Variants in FLT3 observed in about 807,000 individuals in gnomAD.
The protein encoded by FLT3 is receptor-type tyrosine-protein kinase FLT3.
FLT3 carries 46 observed loss-of-function variants against 126.6 expected under a neutral mutation model. That is an observed-to-expected ratio of 0.36 (90% CI 0.29 to 0.46). The LOEUF (loss-of-function observed/expected upper bound fraction) is 0.46, where lower values mean the gene tolerates loss of function less well. Among genes scored for constraint, FLT3 ranks in the 20% least tolerant of loss-of-function variants. The pLI, the probability that FLT3 is intolerant of heterozygous loss-of-function variation, is 1.00. For synonymous variants in FLT3, 404 were observed against 434.4 expected, an observed-to-expected ratio of 0.93 and a Z score of 0.87; for missense variants, 1,069 against 1,190.3, an observed-to-expected ratio of 0.90 and a Z score of 1.50.
rs766829319 is a variant in FLT3, at chr13:28,027,155, A to G, written c.2140T>C (p.Trp714Arg). 2.2e-5 allele frequency: 36 copies of G among 1,613,502 alleles called. No homozygotes were observed. The highest frequency in any genetic ancestry group is 2.5e-5 in the Non-Finnish European group (30 of 1,179,524). ...RSKREKFHRT[W>R]TEIFKEHNFS... ...TTGTGTTCCTTGAAAATCTCTGTCCAAGTCCTGTGAAATTTTTCTCTTTTA... is the reference window on the plus strand; with the variant it reads ...TTGTGTTCCTTGAAAATCTCTGTCCGAGTCCTGTGAAATTTTTCTCTTTTA... The change falls in exon 17 of 24, where the codon TGG becomes CGG. Residue 714 changes from tryptophan (W) to arginine (R), a missense_variant. Physicochemically the swap from Trp to Arg is moderately radical, Grantham distance 101 (BLOSUM62 -3). Coordinates refer to ENST00000241453, the MANE Select transcript of FLT3 (RefSeq NM_004119.3).
intron 4 of FLT3, among the ~76,000 whole-genome samples, chr13:28,057,077 T>A (rs1876077785): frequency 1.3e-5 from 2 of 152,220 alleles, no homozygotes; most frequent in African/African-American, 4.8e-5. Flanking sequence ...TTCTTCCCTG[T>A]CAGCCATCTG....
intron 2 of FLT3, among the ~76,000 whole-genome samples, chr13:28,070,215 C>T (rs79643596): frequency 0.049 from 7,529 of 152,228 alleles, 640 homozygotes; most frequent in African/African-American, 0.17. Flanking sequence ...GTCTTGGAAC[C>T]ATCCCCGCTG....
intron 1 of FLT3, among the ~76,000 whole-genome samples, chr13:28,088,767 G>T (rs1451700268): frequency 6.8e-6 from 1 of 147,640 alleles, no homozygotes; most frequent in African/African-American, 2.5e-5. Flanking sequence ...TTGTTTTTTC[G>T]TAGAGACGGG....
At chr13:28,036,098 C>T in intron 10 of FLT3, 55 bp from the exon 11 acceptor site, 1 of 1,422,654 alleles carries the variant, frequency 7.0e-7, no homozygotes, top group Non-Finnish European at 9.9e-7. Context: ...TGGTTCACTC[C>T]TATAATACCA....
chr13:28,042,765 G>T (rs139644204), intron 9 of FLT3, among the ~76,000 whole-genome samples: 144 of 151,898 alleles, frequency 9.5e-4, no homozygotes, highest in African/African-American at 3.3e-3. Context: ...CTGCAGAAGT[G>T]AATGGGAACG....
intron 9 of FLT3, among the ~76,000 whole-genome samples, chr13:28,038,329 A>G (rs1261783484): frequency 2.6e-5 from 4 of 152,162 alleles, no homozygotes; most frequent in Non-Finnish European, 5.9e-5. Context: ...GTTGTTGAAT[A>G]TGCCTTCGTG....
At chr13:28,026,881 C>T (rs1872855569) in intron 17 of FLT3, among the ~76,000 whole-genome samples, 1 of 152,166 alleles carries the variant, frequency 6.6e-6, no homozygotes, top group Non-Finnish European at 1.5e-5. Flanking sequence ...GAGACTAGCT[C>T]AGCTATAGTA....
chr13:28,055,348 G>A (rs1875911854), intron 4 of FLT3, among the ~76,000 whole-genome samples: 1 of 152,070 alleles, frequency 6.6e-6, no homozygotes, highest in Admixed American at 6.5e-5. Context: ...TCCTTCAACT[G>A]CTCCTAATTT....
chr13:28,034,423 G>A lies in FLT3; in HGVS notation c.1598-16C>T. The A allele has an allele frequency of 1.9e-6, 3 of 1,550,216 alleles. No homozygotes were observed. Among genetic ancestry groups the A allele is most frequent in the Non-Finnish European group, 1.8e-6 (2 of 1,122,612 alleles). Reference sequence around the variant, plus strand: ...GGGAAGGGGCCTGCAACAAAAGAGTGTCACTCAGCGATGAAACAGAATTCC... The same window carrying A: ...GGGAAGGGGCCTGCAACAAAAGAGTATCACTCAGCGATGAAACAGAATTCC... On this transcript the variant is annotated splice_polypyrimidine_tract_variant and intron_variant, in intron 12 of 23. Coordinates refer to ENST00000241453, the MANE Select transcript of FLT3 (RefSeq NM_004119.3).
chr13:28,049,573 T>G (rs750649405), intron 7 of FLT3, 36 bp from the exon 8 acceptor site: 25 of 1,612,762 alleles, frequency 1.6e-5, no homozygotes, highest in Non-Finnish European at 2.1e-5. Context: ...CATTTAATGT[T>G]TTCAATCCAG....
chr13:28,012,300 C>T (rs374048861), intron 23 of FLT3, among the ~76,000 whole-genome samples: 166 of 152,198 alleles, frequency 1.1e-3, no homozygotes, highest in African/African-American at 3.8e-3. Context: ...TGACAGGCCC[C>T]CTGAACACAG....
chr13:28,072,078 C>T (rs868592152), intron 1 of FLT3, among the ~76,000 whole-genome samples: 6 of 151,468 alleles, frequency 4.0e-5, no homozygotes, highest in South Asian at 2.1e-4. Flanking sequence ...GTATAATTGG[C>T]AAATAAAAAT....
intron 23 of FLT3, 78 bp from the exon 24 acceptor site, chr13:28,004,252 T>C (rs1322492375): frequency 4.9e-5 from 70 of 1,434,424 alleles, no homozygotes; most frequent in Non-Finnish European, 1.9e-6. Context: ...TTACAAATTA[T>C]TTAAATAAAA....
In FLT3 at chr13:28,003,714, C is replaced by G. The variant is rs889920755; in HGVS notation, c.*338G>C. 1 of 275,190 alleles carries G rather than the reference C, an allele frequency of 3.6e-6. No individual in the cohort carries two copies. Among genetic ancestry groups the G allele is most frequent in the East Asian group, 5.1e-5 (1 of 19,422 alleles). The allele number at this position is 275,190 out of a possible 1,614,324, so 17.0% of individuals were successfully genotyped here. On this transcript the variant is annotated 3_prime_UTR_variant, in exon 24 of 24. Coordinates refer to ENST00000241453, the MANE Select transcript of FLT3 (RefSeq NM_004119.3). ...ACATAGACTTAAAAAATCATATTAGCTTCTCCTTAGCAAAATGCTTTTGTT... is the reference window on the plus strand; with the variant it reads ...ACATAGACTTAAAAAATCATATTAGGTTCTCCTTAGCAAAATGCTTTTGTT...
At chr13:28,081,323 C>T (rs1036155044) in intron 1 of FLT3, among the ~76,000 whole-genome samples, 1 of 152,094 alleles carries the variant, frequency 6.6e-6, no homozygotes, top group Non-Finnish European at 1.5e-5. Flanking sequence ...TTATAGTTTT[C>T]ATTATGGGTC....
Position 28,070,541 on chromosome 13 carries a change from T to A in FLT3, c.115A>T (p.Asn39Tyr), listed in dbSNP as rs748910439. ...DLPVIKCVLI[N>Y]HKNNDSSVGK... Reference sequence around the variant, plus strand: ...ACTGATGAATCATTGTTCTTATGATTGATTAAAACACACTTGATCACAGGC... The same window carrying A: ...ACTGATGAATCATTGTTCTTATGATAGATTAAAACACACTTGATCACAGGC... The change falls in exon 2 of 24, where the codon AAT becomes TAT. Residue 39 changes from asparagine to tyrosine, a missense_variant. Transcript: ENST00000241453. 2 of 1,606,404 alleles carry A rather than the reference T, an allele frequency of 1.2e-6. No individual in the cohort carries two copies. Among genetic ancestry groups the A allele is most frequent in the Non-Finnish European group, 1.7e-6 (2 of 1,173,434 alleles).
At chr13:28,091,308 G>A (rs907592590) in intron 1 of FLT3, among the ~76,000 whole-genome samples, 19 of 123,948 alleles carry the variant, frequency 1.5e-4, no homozygotes, top group South Asian at 5.9e-4. Flanking sequence ...TGCAAGCTCC[G>A]CCTCCCGGGT....
chr13:28,006,306 T>TTGTGTG (rs4002773), intron 23 of FLT3, among the ~76,000 whole-genome samples: 1,885 of 147,058 alleles, frequency 0.013, 40 homozygotes, highest in African/African-American at 0.041. Context: ...TTCTAGAAAA[T>TTGTGTG]TGTGTGTGTG....
chr13:28,059,785 C>G (rs1876370334), intron 3 of FLT3, among the ~76,000 whole-genome samples: 1 of 151,320 alleles, frequency 6.6e-6, no homozygotes, highest in Admixed American at 6.6e-5. Flanking sequence ...CATGGTGAAA[C>G]CCCACCGCTA....
Sources: gnomAD v4.1 joint callset for allele counts (sites outside exome capture counted in the v4.1 genomes callset) on GRCh38, gnomAD v4.1.1 for gene constraint, MANE v1.5 for transcripts, NCBI Gene and HGNC (gene_info 2026-07-23, HGNC 2026-07-21) for gene names.